SP100: variants seen among roughly 807,000 people sequenced by gnomAD.
SP100 encodes nuclear autoantigen Sp-100.
SP100 carries 84 observed loss-of-function variants against 130.0 expected under a neutral mutation model. The ratio of observed to expected loss-of-function variants is 0.65; its 90% CI spans 0.54 to 0.77. The LOEUF is 0.77. Ranked by LOEUF, SP100 falls within the 30% of genes least tolerant of loss-of-function variation. SP100 has a pLI of 0.00. For synonymous variants in SP100, 331 were observed against 351.7 expected (o/e 0.94, Z 0.66); for missense variants, 978 against 1,052.2 (o/e 0.93, Z 0.97).
At chr2:230,445,488 G>A (rs2063668765) in intron 4 of SP100, among the ~76,000 whole-genome samples, 1 of 152,196 alleles carries the variant, frequency 6.6e-6, no homozygotes, top group Non-Finnish European at 1.5e-5. Context: ...TAAGGAATTT[G>A]AAGTTTACTC....
intron 17 of SP100, among the ~76,000 whole-genome samples, chr2:230,487,166 T>C (rs1309966769): frequency 6.6e-6 from 1 of 152,238 alleles, no homozygotes; most frequent in Non-Finnish European, 1.5e-5. Context: ...GCAGAAGCTC[T>C]CTAGTTTAAT....
In SP100 at chr2:230,437,670, T is replaced by C. The variant is rs191873413; in HGVS notation, c.108-5267T>C. On this transcript the variant is annotated intron_variant, in intron 2 of 28. Transcript: ENST00000340126. ...ACCTCCCAGGTTCAAGCAATTCTCC[T>C]GCCTCAGCCTCCCGAGTAGCTGGGA... is the stretch of plus-strand genomic sequence containing the variant. Among the ~76,000 whole-genome samples, 130 of 152,196 alleles carry C rather than the reference T, an allele frequency of 8.5e-4. 1 individual carries two copies. The highest frequency in any genetic ancestry group is 2.5e-3 in the South Asian group (12 of 4,824).
chr2:230,430,276 G>A (rs1486262796), intron 2 of SP100, among the ~76,000 whole-genome samples: 1 of 152,246 alleles, frequency 6.6e-6, no homozygotes, highest in Non-Finnish European at 1.5e-5. Flanking sequence ...TTGTTTGGAT[G>A]TTTTGACTGG....
Position 230,449,337 on chromosome 2 carries a change from C to T in SP100, c.586+187C>T, listed in dbSNP as rs747109696. The T allele has an allele frequency of 5.1e-6, 4 of 783,546 alleles. No homozygotes were observed. In the South Asian group the frequency reaches 5.8e-5, roughly 11 times the overall value. The allele number at this position is 783,546 out of a possible 1,614,324, so 48.5% of individuals were successfully genotyped here. ...AGGTTGCCTAGGAGGGTTTCTTCCT[C>T]CCACACCCCTTAATCACACTTGCTG... On this transcript the variant is annotated intron_variant, in intron 6 of 28. Coordinates refer to ENST00000340126, the MANE Select transcript of SP100 (RefSeq NM_001080391.2).
At chr2:230,486,216 AT>A (rs781331169) in intron 17 of SP100, among the ~76,000 whole-genome samples, 76 of 151,464 alleles carry the variant, frequency 5.0e-4, no homozygotes, top group Non-Finnish European at 9.0e-4. Flanking sequence ...GAAGTGCCAC[AT>A]TTTTTTTTAT....
intron 15 of SP100, among the ~76,000 whole-genome samples, chr2:230,470,766 T>C (rs1313134889): frequency 1.3e-5 from 2 of 152,170 alleles, no homozygotes; most frequent in African/African-American, 4.8e-5. Context: ...GTGACTGTTG[T>C]ATGTAACAGA....
intron 13 of SP100, 95 bp downstream of exon 13, chr2:230,467,310 C>A: frequency 3.5e-6 from 3 of 864,664 alleles, no homozygotes; most frequent in Non-Finnish European, 5.8e-6. Flanking sequence ...TATCCAGGAG[C>A]CAGTTCTCTG....
intron 24 of SP100, chr2:230,537,863 G>A (rs1692008465): frequency 6.6e-6 from 1 of 152,142 alleles, no homozygotes; most frequent in Non-Finnish European, 1.5e-5. Context: ...AATTGTGTAG[G>A]GTCCATCAGA....
At position 230,501,627 on chromosome 2, in the gene SP100, G is replaced by C. The variant is rs76579524; in HGVS notation, c.1721-1439G>C. 6.0e-3 allele frequency among the ~76,000 whole-genome samples: 910 copies of C among 150,984 alleles called. 24 individuals are homozygous for C. The highest frequency in any genetic ancestry group is 0.047 in the Admixed American group (709 of 15,088). On this transcript the variant is annotated intron_variant, in intron 19 of 28. Coordinates refer to ENST00000340126, the MANE Select transcript of SP100 (RefSeq NM_001080391.2). ...CTAATCTCGTCATAATTTGCTCAAA[G>C]GAAGGAGCATTCACAATTGAGCATC...
At chr2:230,537,058 G>C (rs899112173) in intron 24 of SP100, among the ~76,000 whole-genome samples, 1 of 152,134 alleles carries the variant, frequency 6.6e-6, no homozygotes, top group African/African-American at 2.4e-5. Flanking sequence ...ATGAGTTTGA[G>C]ACCAGCCTGG....
At chr2:230,498,725 A>T (rs2066839446) in intron 19 of SP100, among the ~76,000 whole-genome samples, 190 bp downstream of exon 19, 1 of 152,186 alleles carries the variant, frequency 6.6e-6, no homozygotes, top group African/African-American at 2.4e-5. Flanking sequence ...TAGGTGATGA[A>T]TCTGCAACCA....
At chr2:230,494,354 T>C (rs2066548144) in intron 17 of SP100, 62 bp from the exon 18 acceptor site, 7 of 1,234,666 alleles carry the variant, frequency 5.7e-6, no homozygotes, top group Middle Eastern at 1.9e-4. Context: ...TATTGACATA[T>C]AAAGTGTGTA....
At chr2:230,449,192 G>T (rs370545185) in intron 6 of SP100, 42 bp downstream of exon 6, 19 of 1,606,792 alleles carry the variant, frequency 1.2e-5, no homozygotes, top group Non-Finnish European at 1.4e-5. Context: ...TGCTATTCTT[G>T]CCCCTTTCTG....
In SP100 at chr2:230,416,322, G is replaced by A. The variant is rs1410615043; in HGVS notation, c.26G>A (p.Ser9Asn). 2 of 1,613,348 alleles carry A rather than the reference G, an allele frequency of 1.2e-6. No homozygotes were observed. The highest frequency in any genetic ancestry group is 4.5e-5 in the East Asian group (2 of 44,884). MAGGGGDL[S>N]TRRLNECISP... ...ATGGCAGGTGGGGGCGGCGACCTGA[G>A]CACCAGGTGAGTCTTTATCTCCCTT... Residue 9 changes from serine (S) to asparagine (N), a missense_variant, in exon 1 of 29, where the codon AGC becomes AAC. Transcript: ENST00000340126.
chr2:230,443,646 A>C (rs1362374127), intron 3 of SP100, among the ~76,000 whole-genome samples: 1 of 151,724 alleles, frequency 6.6e-6, no homozygotes, highest in East Asian at 1.9e-4. Context: ...TTTTTTGTGC[A>C]TTTCTGGAGT....
intron 24 of SP100, 129 bp from the exon 25 acceptor site, chr2:230,539,138 T>G: frequency 1.7e-6 from 1 of 591,978 alleles, no homozygotes; most frequent in Non-Finnish European, 3.1e-6. Flanking sequence ...TTCTGAGATC[T>G]CCACTCAGCA....
chr2:230,541,014 C>A lies in SP100; in HGVS notation c.2331+18C>A, dbSNP rs756876445. ...AGCAGTTGGTGAGTAAAAATGTGAACCTGAAGCCTCTTCCTTTCTGTTCAC... is the reference window on the plus strand; with the variant it reads ...AGCAGTTGGTGAGTAAAAATGTGAAACTGAAGCCTCTTCCTTTCTGTTCAC... On this transcript the variant is annotated intron_variant, in intron 26 of 28. Transcript: ENST00000340126. 6.3e-7 allele frequency: 1 copy of A among 1,599,444 alleles called. No homozygotes were observed. Among genetic ancestry groups the A allele is most frequent in the South Asian group, 1.1e-5 (1 of 89,878 alleles).
intron 2 of SP100, among the ~76,000 whole-genome samples, chr2:230,441,774 G>C (rs114926883): frequency 7.2e-5 from 11 of 152,224 alleles, no homozygotes; most frequent in African/African-American, 2.2e-4. Context: ...ACACTGTTCT[G>C]TTCATTTCTC....
chr2:230,524,264 G>A (rs968803471), intron 24 of SP100, among the ~76,000 whole-genome samples: 3 of 149,154 alleles, frequency 2.0e-5, no homozygotes, highest in African/African-American at 7.4e-5. Flanking sequence ...GCTGGGGCAG[G>A]AGAATCAGTT....
Sources: allele counts gnomAD v4.1 joint callset (sites outside exome capture counted in the v4.1 genomes callset), GRCh38; gene constraint gnomAD v4.1.1; transcripts MANE v1.5; gene names NCBI Gene and HGNC (gene_info 2026-07-23, HGNC 2026-07-21).